SHOC1: variants seen among roughly 807,000 people sequenced by gnomAD.
SHOC1 encodes the protein protein shortage in chiasmata 1 ortholog.
In SHOC1, 136 loss-of-function variants were observed where a neutral mutation model predicts 179.2. The ratio of observed to expected loss-of-function variants is 0.76; its 90% confidence interval spans 0.66 to 0.87. The LOEUF (loss-of-function observed/expected upper bound fraction) is 0.87. SHOC1 is among the 40% of genes least tolerant of loss of function. The pLI is 0.00. For synonymous variants in SHOC1, 489 were observed against 586.6 expected, an observed-to-expected ratio of 0.83 and a Z score of 2.41; for missense variants, 1,538 against 1,700.8, an observed-to-expected ratio of 0.90 and a Z score of 1.68.
chr9:111,712,069 A>G (rs1589393554), intron 18 of SHOC1, among the ~76,000 whole-genome samples: 1 of 152,240 alleles, frequency 6.6e-6, no homozygotes, highest in East Asian at 1.9e-4. Context: ...CTATAGGTAT[A>G]GACAAAGAGC....
chr9:111,689,447 C>T (rs1010311894), intron 27 of SHOC1, among the ~76,000 whole-genome samples: 1 of 151,046 alleles, frequency 6.6e-6, no homozygotes, highest in Non-Finnish European at 1.5e-5. Context: ...CATAGAGATC[C>T]CATATATACA....
At chr9:111,718,107 C>T in intron 16 of SHOC1, 77 bp downstream of exon 16, 1 of 1,028,840 alleles carries the variant, frequency 9.7e-7, no homozygotes, top group Non-Finnish European at 1.4e-6. Context: ...TAAGGTGTAT[C>T]TTTTTCAGAA....
intron 3 of SHOC1, among the ~76,000 whole-genome samples, chr9:111,781,574 T>G (rs1200813934): frequency 1.3e-5 from 2 of 152,030 alleles, no homozygotes; most frequent in Non-Finnish European, 2.9e-5. Flanking sequence ...AATACAAAAA[T>G]TAGCCGGGCA....
intron 12 of SHOC1, among the ~76,000 whole-genome samples, chr9:111,736,456 C>G (rs747576651): frequency 1.4e-4 from 21 of 152,058 alleles, no homozygotes; most frequent in Non-Finnish European, 2.5e-4. Context: ...CAAAAATAAG[C>G]AAGGGGGAAA....
chr9:111,786,793 C>T (rs1287077247), intron 2 of SHOC1, among the ~76,000 whole-genome samples: 3 of 152,150 alleles, frequency 2.0e-5, no homozygotes, highest in Admixed American at 6.5e-5. Flanking sequence ...GACAAAACAG[C>T]CTTCTGTTAG....
chr9:111,714,398 T>C, intron 17 of SHOC1, 47 bp downstream of exon 17: 1 of 1,589,894 alleles, frequency 6.3e-7, no homozygotes, highest in Non-Finnish European at 8.6e-7. Context: ...TTACATCCAA[T>C]TCTTACTTAA....
intron 5 of SHOC1, chr9:111,759,543 A>G (rs774822939): frequency 2.3e-5 from 26 of 1,154,546 alleles, no homozygotes; most frequent in Non-Finnish European, 2.8e-5. Context: ...TAACAGCTTT[A>G]ACAGTTTCTA....
At chr9:111,716,740 T>C (rs1228370791) in intron 16 of SHOC1, among the ~76,000 whole-genome samples, 1 of 152,214 alleles carries the variant, frequency 6.6e-6, no homozygotes, top group African/African-American at 2.4e-5. Flanking sequence ...TTGAGCATAC[T>C]GTACTTGTCT....
intron 3 of SHOC1, among the ~76,000 whole-genome samples, chr9:111,782,815 C>A (rs1259994925): frequency 6.6e-6 from 1 of 152,198 alleles, no homozygotes; most frequent in African/African-American, 2.4e-5. Context: ...TCTTTAGTGT[C>A]CATTCCATTA....
intron 4 of SHOC1, 139 bp from the exon 5 acceptor site, chr9:111,776,114 C>T: frequency 1.6e-6 from 1 of 638,174 alleles, no homozygotes; most frequent in Non-Finnish European, 2.6e-6. Context: ...TCCCATCATT[C>T]AAGATAAATA....
rs530147965 is a variant in SHOC1 at position 111,749,481 on chromosome 9, T to A, written c.863-1282A>T. ...TAATTCTATTGCTCAAAGTTTTTTT[T>A]ATTTTTTTTTTCTCTGTTAGTTCAG... On this transcript the variant is annotated intron_variant, in intron 8 of 27. Coordinates refer to ENST00000682961, the MANE Select transcript of SHOC1 (RefSeq NM_001378211.1). Among the ~76,000 whole-genome samples, 53 of 152,290 alleles carry A rather than the reference T, an allele frequency of 3.5e-4. 2 individuals carry two copies. Among genetic ancestry groups the A allele is most frequent in the African/African-American group, 1.2e-3 (50 of 41,562 alleles).
intron 27 of SHOC1, among the ~76,000 whole-genome samples, chr9:111,687,825 C>T (rs1378216867): frequency 6.7e-6 from 1 of 149,848 alleles, no homozygotes; most frequent in Non-Finnish European, 1.5e-5. Context: ...TTCACTTGGG[C>T]TAATTTTCTT....
chr9:111,759,478 C>T, intron 5 of SHOC1: 2 of 1,253,992 alleles, frequency 1.6e-6, no homozygotes, highest in Non-Finnish European at 2.0e-6. Context: ...TAAATTTCTC[C>T]TCTCGGTCTC....
intron 8 of SHOC1, among the ~76,000 whole-genome samples, chr9:111,751,347 A>G (rs1834576625): frequency 6.6e-6 from 1 of 152,076 alleles, no homozygotes; most frequent in Non-Finnish European, 1.5e-5. Context: ...GTTCCATACA[A>G]ACTGCTTGCC....
Position 111,706,577 on chromosome 9 carries a change from CTG to C in SHOC1, c.2726_2727del (p.Thr909SerfsTer10), listed in dbSNP as rs780817556. Reference protein sequence around the residue: ...YMAFKVILPDTVLERSTLLDR... With the variant: ...YMAFKVILPDXVLERSTLLDR... ...TGGCTTATATTCTTACTTTCTAAAA[CTG>C]TGTCTGGAAGAATCACTTTAAAGGC... On this transcript the variant is annotated frameshift_variant, in exon 20 of 28. Transcript: ENST00000682961. LOFTEE classifies it high-confidence loss of function. 2 of 1,527,016 alleles carry C rather than the reference CTG, an allele frequency of 1.3e-6. No homozygotes were observed. The highest frequency in any genetic ancestry group is 2.8e-5 in the African/African-American group (2 of 70,688). The allele number at this position is 1,527,016 out of a possible 1,614,324, so 94.6% of individuals were successfully genotyped here.
At chr9:111,787,432 G>T (rs71501691) in intron 2 of SHOC1, among the ~76,000 whole-genome samples, 8,729 of 152,256 alleles carry the variant, frequency 0.057, 617 homozygotes, top group African/African-American at 0.17. Flanking sequence ...ATTCCAACCT[G>T]CATGGATGAC....
At chr9:111,697,274 G>A (rs1831742966) in intron 24 of SHOC1, among the ~76,000 whole-genome samples, 1 of 151,288 alleles carries the variant, frequency 6.6e-6, no homozygotes, top group South Asian at 2.1e-4. Context: ...CATGTGCCAT[G>A]TTGGAGTGCT....
chr9:111,755,144 G>C (rs900347329), intron 8 of SHOC1, among the ~76,000 whole-genome samples: 3 of 152,168 alleles, frequency 2.0e-5, no homozygotes, highest in Non-Finnish European at 4.4e-5. Flanking sequence ...TCAAGTGAAG[G>C]CTGGGAGTTT....
At chr9:111,787,980 G>A (rs1165685790) in intron 2 of SHOC1, among the ~76,000 whole-genome samples, 1 of 151,258 alleles carries the variant, frequency 6.6e-6, no homozygotes, top group Non-Finnish European at 1.5e-5. Flanking sequence ...TAGCAATAAA[G>A]TATTTTTCAA....
Sources: allele counts gnomAD v4.1 joint callset (sites outside exome capture counted in the v4.1 genomes callset), GRCh38; gene constraint gnomAD v4.1.1; transcripts MANE v1.5; gene names NCBI Gene and HGNC (gene_info 2026-07-23, HGNC 2026-07-21).